ERC2: variants seen among roughly 807,000 people sequenced by gnomAD.
ERC2 encodes the protein ERC protein 2.
In ERC2, 42 loss-of-function variants were observed where a neutral mutation model predicts 114.8. The observed-to-expected ratio is 0.37, with a 90% CI of 0.29 to 0.47. ERC2 has a LOEUF of 0.47. ERC2 is among the 20% of genes least tolerant of loss of function. The pLI, the probability that ERC2 is intolerant of heterozygous loss-of-function variation, is 0.99. For synonymous variants in ERC2, 454 were observed against 425.5 expected (o/e 1.07, Z -0.82); for missense variants, 939 against 1,150.7 (o/e 0.82, Z 2.66).
intron 2 of ERC2, among the ~76,000 whole-genome samples, chr3:56,301,384 C>T (rs1365949751): frequency 1.3e-5 from 2 of 151,550 alleles, no homozygotes; most frequent in Non-Finnish European, 2.9e-5. Flanking sequence ...AATCTTGTTC[C>T]TACAAAAAAG....
At chr3:55,653,443 T>C (rs922724923) in intron 17 of ERC2, among the ~76,000 whole-genome samples, 6 of 152,010 alleles carry the variant, frequency 3.9e-5, no homozygotes, top group Non-Finnish European at 7.3e-5. Context: ...TTATAATCTA[T>C]CAAAAGAGCA....
intron 7 of ERC2, among the ~76,000 whole-genome samples, chr3:56,040,227 A>G (rs899625246): frequency 6.6e-6 from 1 of 152,172 alleles, no homozygotes. Context: ...TTTTTCTTCA[A>G]CCATCACATA....
chr3:56,107,299 AG>A (rs1394046890), intron 6 of ERC2, among the ~76,000 whole-genome samples: 1 of 150,894 alleles, frequency 6.6e-6, no homozygotes, highest in African/African-American at 2.4e-5. Context: ...AAAGAGTTGC[AG>A]TTACTTGCTA....
chr3:56,267,598 C>T (rs11919263), intron 3 of ERC2, among the ~76,000 whole-genome samples: 101,748 of 150,044 alleles, frequency 0.68, 35,685 homozygotes, highest in Non-Finnish European at 0.76. Context: ...GGTGAAACCC[C>T]GTCTGTACTA....
intron 3 of ERC2, among the ~76,000 whole-genome samples, chr3:56,260,428 A>G (rs779801373): frequency 3.9e-5 from 6 of 152,262 alleles, no homozygotes; most frequent in Non-Finnish European, 8.8e-5. Flanking sequence ...ATTAAAAAAC[A>G]GGAGAACATC....
At chr3:56,139,985 A>G (rs1266642608) in intron 5 of ERC2, among the ~76,000 whole-genome samples, 1 of 152,164 alleles carries the variant, frequency 6.6e-6, no homozygotes, top group Non-Finnish European at 1.5e-5. Flanking sequence ...CATCTGTGAA[A>G]CCACCAAGTA....
rs564655648 is a variant in ERC2, at chr3:56,350,839, T to G, written c.658-54404A>C. Among the ~76,000 whole-genome samples, 18 of 152,326 alleles carry G rather than the reference T, an allele frequency of 1.2e-4. No homozygotes were observed. In the South Asian group the frequency reaches 3.7e-3, roughly 32 times the overall value. ...CTGTTGGAGTGGCAGCTGATGTTTA[T>G]CATGGACTTACACATTCAGTCTTGG... On this transcript the variant is annotated intron_variant, in intron 2 of 17. Coordinates refer to ENST00000288221, the MANE Select transcript of ERC2 (RefSeq NM_015576.3).
Position 55,946,517 on chromosome 3 carries a change from T to G in ERC2, c.2403+3908A>C, listed in dbSNP as rs150029800. Among the ~76,000 whole-genome samples, 481 of 152,348 alleles carry G rather than the reference T, an allele frequency of 3.2e-3. 3 individuals are homozygous for G. Among genetic ancestry groups the G allele is most frequent in the African/African-American group, 0.011 (462 of 41,576 alleles). On this transcript the variant is annotated intron_variant, in intron 13 of 17. Coordinates refer to ENST00000288221, the MANE Select transcript of ERC2 (RefSeq NM_015576.3). ...TGACTAAAAGCTCATTATCAGTCTC[T>G]CTGGGAGAAAACTCTAGTAACTGAA...
At chr3:56,082,980 C>T (rs1029281885) in intron 6 of ERC2, among the ~76,000 whole-genome samples, 2 of 152,336 alleles carry the variant, frequency 1.3e-5, no homozygotes, top group South Asian at 4.1e-4. Flanking sequence ...CCATCCCCCA[C>T]ACCCCACACC....
intron 3 of ERC2, among the ~76,000 whole-genome samples, chr3:56,239,275 C>T (rs1481978884): frequency 6.6e-6 from 1 of 151,686 alleles, no homozygotes; most frequent in Non-Finnish European, 1.5e-5. Flanking sequence ...CTAGCACTTT[C>T]GGAGGCCGAG....
intron 13 of ERC2, among the ~76,000 whole-genome samples, chr3:55,900,197 A>C (rs1167721791): frequency 1.3e-5 from 2 of 152,156 alleles, no homozygotes; most frequent in Non-Finnish European, 2.9e-5. Flanking sequence ...CCCACAATGC[A>C]CTTTACTCAT....
At chr3:56,324,681 C>G (rs2057280015) in intron 2 of ERC2, among the ~76,000 whole-genome samples, 1 of 152,144 alleles carries the variant, frequency 6.6e-6, no homozygotes, top group Non-Finnish European at 1.5e-5. Flanking sequence ...ACCATGAGTT[C>G]ATGCTGAGCT....
chr3:55,637,364 G>A (rs2060001571), intron 17 of ERC2, among the ~76,000 whole-genome samples: 1 of 152,176 alleles, frequency 6.6e-6, no homozygotes, highest in African/African-American at 2.4e-5. Context: ...AGGATGGGTG[G>A]GAGTGCGCTT....
chr3:56,336,699 C>T (rs375347812), intron 2 of ERC2, among the ~76,000 whole-genome samples: 1 of 152,240 alleles, frequency 6.6e-6, no homozygotes, highest in African/African-American at 2.4e-5. Context: ...GAGGCTGAGG[C>T]AGGAGAATCG....
At chr3:56,085,768 G>GAA (rs2077469212) in intron 6 of ERC2, among the ~76,000 whole-genome samples, 1 of 152,130 alleles carries the variant, frequency 6.6e-6, no homozygotes, top group African/African-American at 2.4e-5. Context: ...TGAACACTCT[G>GAA]GATTATAGCA....
intron 15 of ERC2, among the ~76,000 whole-genome samples, chr3:55,727,686 T>C (rs1049607146): frequency 6.6e-6 from 1 of 152,198 alleles, no homozygotes; most frequent in Non-Finnish European, 1.5e-5. Flanking sequence ...ATTTATGAGA[T>C]ACTCAGGAGT....
intron 1 of ERC2, among the ~76,000 whole-genome samples, chr3:56,441,602 T>C (rs2062311008): frequency 6.6e-6 from 1 of 152,232 alleles, no homozygotes; most frequent in Non-Finnish European, 1.5e-5. Context: ...TTCCCTAGGA[T>C]AAATTCTTTT....
chr3:55,770,022 T>C (rs2068081013), intron 14 of ERC2, among the ~76,000 whole-genome samples: 1 of 152,242 alleles, frequency 6.6e-6, no homozygotes, highest in Non-Finnish European at 1.5e-5. Context: ...GGCTTGGCCA[T>C]GTGATCTGCC....
intron 2 of ERC2, among the ~76,000 whole-genome samples, chr3:56,340,542 ATGTGTGTGTG>A (rs10690369): frequency 0.025 from 3,514 of 141,526 alleles, 45 homozygotes; most frequent in South Asian, 0.079. Context: ...GAGAGAGTGA[ATGTGTGTGTG>A]TGTGTGTGTG....
Sources: gnomAD v4.1 joint callset for allele counts (sites outside exome capture counted in the v4.1 genomes callset) on GRCh38, gnomAD v4.1.1 for gene constraint, MANE v1.5 for transcripts, NCBI Gene and HGNC (gene_info 2026-07-23, HGNC 2026-07-21) for gene names.